AGBL1: variants seen among roughly 807,000 people sequenced by gnomAD.
The protein encoded by AGBL1 is AGBL carboxypeptidase 1.
A neutral mutation model predicts 118.9 loss-of-function variants in AGBL1; 130 were observed. That is an observed-to-expected ratio of 1.09 (90% CI 0.95 to 1.26). The LOEUF is 1.26. Ranked by LOEUF, AGBL1 falls within the 50% of genes most tolerant of loss-of-function variation. The probability of loss-of-function intolerance (pLI) is 0.00; values close to 1 mark genes in which losing one functional copy is unlikely to be tolerated. For synonymous variants in AGBL1, 555 were observed against 478.9 expected (o/e 1.16, Z -2.08); for missense variants, 1,584 against 1,298.1 (o/e 1.22, Z -3.38).
Position 86,384,410 on chromosome 15 carries a change from T to G in AGBL1, c.2375-12956T>G, listed in dbSNP as rs201298523. On this transcript the variant is annotated intron_variant, in intron 17 of 22. Coordinates refer to ENST00000614907, the MANE Select transcript of AGBL1 (RefSeq NM_001386094.1). ...GATTGATGGGGGCGGGTGCACAGCATCTGTCTGCAATTTTCCTGATGCGAT... is the reference window on the plus strand; with the variant it reads ...GATTGATGGGGGCGGGTGCACAGCAGCTGTCTGCAATTTTCCTGATGCGAT... Among the ~76,000 whole-genome samples, 6 of 152,156 alleles carry G rather than the reference T, an allele frequency of 3.9e-5. No individual in the cohort carries two copies. In the East Asian group the frequency reaches 1.2e-3, roughly 29 times the overall value.
intron 21 of AGBL1, among the ~76,000 whole-genome samples, chr15:86,624,841 C>T (rs865838574): frequency 7.2e-5 from 11 of 152,190 alleles, no homozygotes; most frequent in African/African-American, 2.4e-4. Flanking sequence ...GTCGTTCCCT[C>T]TCCTGCCCAC....
chr15:86,657,782 T>C (rs189726334), intron 21 of AGBL1, among the ~76,000 whole-genome samples: 1 of 151,948 alleles, frequency 6.6e-6, no homozygotes, highest in Admixed American at 6.6e-5. Flanking sequence ...ACTTCTGAGA[T>C]TGACAAAATG....
chr15:86,497,252 C>T (rs2044002181), intron 18 of AGBL1, among the ~76,000 whole-genome samples: 1 of 151,956 alleles, frequency 6.6e-6, no homozygotes, highest in African/African-American at 2.4e-5. Flanking sequence ...AAAGTACATC[C>T]TTTAGTAGTT....
chr15:86,395,775 CTT>C (rs1247897855), intron 17 of AGBL1, among the ~76,000 whole-genome samples: 3 of 151,202 alleles, frequency 2.0e-5, no homozygotes, highest in African/African-American at 7.4e-5. Flanking sequence ...GACAGATAGT[CTT>C]TAGGTTTTAT....
At chr15:86,765,842 A>C (rs1486583774) in intron 22 of AGBL1, among the ~76,000 whole-genome samples, 1 of 151,962 alleles carries the variant, frequency 6.6e-6, no homozygotes, top group Non-Finnish European at 1.5e-5. Flanking sequence ...GATTATAGGG[A>C]CCTGACATGA....
At chr15:86,446,373 G>C (rs74897637) in intron 18 of AGBL1, among the ~76,000 whole-genome samples, 2,975 of 152,318 alleles carry the variant, frequency 0.02, 42 homozygotes, top group Middle Eastern at 0.048. Flanking sequence ...TTCTGAGCCA[G>C]AGAAGCTCAA....
intron 22 of AGBL1, among the ~76,000 whole-genome samples, chr15:86,903,050 T>C (rs911662839): frequency 6.6e-6 from 1 of 152,172 alleles, no homozygotes; most frequent in African/African-American, 2.4e-5. Context: ...TCTTTTGTTA[T>C]AGTCCTACAG....
chr15:86,306,418 T>C (rs1219150901), intron 17 of AGBL1, among the ~76,000 whole-genome samples: 1 of 152,200 alleles, frequency 6.6e-6, no homozygotes, highest in Non-Finnish European at 1.5e-5. Context: ...GCAATATTTG[T>C]CTTTCTGTGT....
intron 21 of AGBL1, among the ~76,000 whole-genome samples, chr15:86,632,712 C>T (rs1190511395): frequency 6.6e-6 from 1 of 151,512 alleles, no homozygotes; most frequent in African/African-American, 2.4e-5. Flanking sequence ...GTGGTGTTGC[C>T]TATAAGTAAG....
At chr15:86,771,781 A>G (rs911424644) in intron 22 of AGBL1, among the ~76,000 whole-genome samples, 2 of 152,020 alleles carry the variant, frequency 1.3e-5, no homozygotes, top group Admixed American at 6.6e-5. Context: ...GGAAAGGTAC[A>G]TGAAACAAAG....
chr15:86,403,507 G>A (rs146250207), intron 18 of AGBL1, among the ~76,000 whole-genome samples: 15 of 152,312 alleles, frequency 9.8e-5, no homozygotes, highest in African/African-American at 3.4e-4. Flanking sequence ...ACCATTTAAA[G>A]TTAGTGCCAG....
chr15:86,978,487 G>A (rs1371742615), intron 23 of AGBL1, among the ~76,000 whole-genome samples: 1 of 152,192 alleles, frequency 6.6e-6, no homozygotes, highest in Non-Finnish European at 1.5e-5. Context: ...AAAGCTGGGG[G>A]TTTAAGTACT....
At chr15:86,396,666 A>G (rs1035216263) in intron 17 of AGBL1, among the ~76,000 whole-genome samples, 4 of 152,174 alleles carry the variant, frequency 2.6e-5, no homozygotes, top group Admixed American at 1.3e-4. Context: ...GACTTTACGA[A>G]TGAGGAGGGA....
At chr15:86,755,366 C>T (rs1292147387) in intron 22 of AGBL1, among the ~76,000 whole-genome samples, 1 of 151,984 alleles carries the variant, frequency 6.6e-6, no homozygotes, top group Non-Finnish European at 1.5e-5. Flanking sequence ...AGCGGACAGA[C>T]CAGGAACACC....
chr15:86,170,669 A>AC (rs371236562), intron 5 of AGBL1, among the ~76,000 whole-genome samples: 5,177 of 151,762 alleles, frequency 0.034, 113 homozygotes, highest in Middle Eastern at 0.092. Flanking sequence ...ACATGGTGAA[A>AC]CCCCCCTCTC....
chr15:86,256,249 C>T (rs959331302), intron 7 of AGBL1, among the ~76,000 whole-genome samples: 9 of 152,176 alleles, frequency 5.9e-5, no homozygotes, highest in African/African-American at 2.2e-4. Flanking sequence ...CATCTGCAAA[C>T]CCAATTTTTC....
chr15:87,027,901 G>A (rs569580995), intron 24 of AGBL1, among the ~76,000 whole-genome samples: 4 of 151,954 alleles, frequency 2.6e-5, no homozygotes, highest in African/African-American at 9.6e-5. Context: ...GGTGAGGGGA[G>A]GGCAAGCCCC....
chr15:86,492,815 G>A (rs2082800934), intron 18 of AGBL1, among the ~76,000 whole-genome samples: 1 of 152,146 alleles, frequency 6.6e-6, no homozygotes, highest in African/African-American at 2.4e-5. Context: ...GCTTGAAGTA[G>A]TATGGTAAAA....
chr15:86,811,853 T>G (rs993171038), intron 22 of AGBL1, among the ~76,000 whole-genome samples: 3 of 152,238 alleles, frequency 2.0e-5, no homozygotes, highest in African/African-American at 7.2e-5. Flanking sequence ...AGTCAACTTT[T>G]GGGTTTAGAA....
Sources: gnomAD v4.1 joint callset for allele counts (sites outside exome capture counted in the v4.1 genomes callset) on GRCh38, gnomAD v4.1.1 for gene constraint, MANE v1.5 for transcripts, NCBI Gene and HGNC (gene_info 2026-07-23, HGNC 2026-07-21) for gene names.